LIMK1: variants seen among roughly 807,000 people sequenced by gnomAD.
LIMK1 encodes the protein LIM motif-containing protein kinase.
A neutral mutation model predicts 77.6 loss-of-function variants in LIMK1; 21 were observed. That is an observed-to-expected ratio of 0.27 (90% CI 0.19 to 0.39). The LOEUF (loss-of-function observed/expected upper bound fraction) is 0.39, where lower values mean the gene tolerates loss of function less well. Ranked by LOEUF, LIMK1 falls within the 10% of genes least tolerant of loss-of-function variation. LIMK1 has a pLI of 1.00. For synonymous variants in LIMK1, 358 were observed against 370.0 expected (o/e 0.97, Z 0.37); for missense variants, 696 against 901.6 (o/e 0.77, Z 2.92).
chr7:74,101,127 A>G (rs1799451754), intron 5 of LIMK1, among the ~76,000 whole-genome samples: 1 of 152,230 alleles, frequency 6.6e-6, no homozygotes, highest in African/African-American at 2.4e-5. Flanking sequence ...TGAGATGTGA[A>G]GGTGGCCCTG....
chr7:74,084,492 G>A (rs528925900), intron 1 of LIMK1, among the ~76,000 whole-genome samples: 4 of 152,272 alleles, frequency 2.6e-5, no homozygotes, highest in African/African-American at 7.2e-5. Flanking sequence ...TGACTTCCTG[G>A]TCCTCAGTTT....
At chr7:74,113,654 G>A (rs1225263485) in intron 12 of LIMK1, among the ~76,000 whole-genome samples, 1 of 151,424 alleles carries the variant, frequency 6.6e-6, no homozygotes, top group Non-Finnish European at 1.5e-5. Context: ...ATGGCAAGAG[G>A]GGCTGACAAG....
At chr7:74,118,249 C>A (rs186687975) in intron 13 of LIMK1, among the ~76,000 whole-genome samples, 1 of 150,738 alleles carries the variant, frequency 6.6e-6, no homozygotes, top group East Asian at 2.0e-4. Context: ...TGGTTGCACG[C>A]GTCTGTAGTC....
intron 4 of LIMK1, 76 bp downstream of exon 4, chr7:74,097,265 C>T: frequency 1.1e-6 from 1 of 880,146 alleles, no homozygotes; most frequent in Non-Finnish European, 1.7e-6. Flanking sequence ...GACTCTCCCA[C>T]ACCCGGGCCT....
In LIMK1 at chr7:74,106,155, G is replaced by A. The variant is rs369236766; in HGVS notation, c.793G>A (p.Gly265Arg). 4.3e-6 allele frequency: 7 copies of A among 1,613,910 alleles called. No individual in the cohort carries two copies. The highest frequency in any genetic ancestry group is 2.2e-5 in the East Asian group (1 of 44,882). ...TGACCCTCACGATACACTGGGCCAC[G>A]GGCTGGGGCCTGAGACCAGCCCCCT... ...EHDPHDTLGH[G>R]LGPETSPLSS... is the part of the protein sequence containing the mutation. Residue 265 changes from glycine to arginine, a missense_variant, in exon 7 of 16, where the codon GGG (glycine) becomes AGG (arginine). This residue lies in a region of LIMK1 where 438 missense variants were observed against 602.3 expected (regional missense o/e 0.73). Transcript: ENST00000336180.
rs1228947066 is a variant in LIMK1 at position 74,115,882 on chromosome 7, C to T, written c.1491C>T (p.Ser497=). 3 of 1,614,040 alleles carry T rather than the reference C, an allele frequency of 1.9e-6. No individual in the cohort carries two copies. The highest frequency in any genetic ancestry group is 3.3e-5 in the Admixed American group (2 of 59,986). ...AGACTCAGCCTGAGGGCCTGCGGAG[C>T]CTCAAGAAGCCAGACCGCAAGAAGC... is the stretch of plus-strand genomic sequence containing the variant. ...DEKTQPEGLR[S]LKKPDRKKRY... The change falls in exon 13 of 16, where the codon AGC becomes AGT. Residue 497 remains serine (S), a synonymous_variant. Transcript: ENST00000336180.
chr7:74,089,545 G>A (rs1799199213), intron 2 of LIMK1, among the ~76,000 whole-genome samples: 1 of 152,110 alleles, frequency 6.6e-6, no homozygotes, highest in African/African-American at 2.4e-5. Context: ...AGGGGCTTCG[G>A]GGAGGGCATG....
chr7:74,088,426 G>A (rs1186766634), intron 2 of LIMK1, among the ~76,000 whole-genome samples: 1 of 152,174 alleles, frequency 6.6e-6, no homozygotes, highest in Non-Finnish European at 1.5e-5. Context: ...TCCCTTGGAA[G>A]GAACAGAATA....
At chr7:74,102,834 A>G (rs1353684816) in intron 5 of LIMK1, among the ~76,000 whole-genome samples, 2 of 151,208 alleles carry the variant, frequency 1.3e-5, no homozygotes, top group African/African-American at 4.8e-5. Context: ...TCCATGATCA[A>G]CATTGCATTT....
chr7:74,114,105 C>T (rs2115740601), intron 12 of LIMK1, among the ~76,000 whole-genome samples: 1 of 152,082 alleles, frequency 6.6e-6, no homozygotes. Context: ...CAAAAATTAG[C>T]TGGGCGTGGT....
intron 3 of LIMK1, 127 bp downstream of exon 3, chr7:74,096,887 G>A: frequency 7.9e-7 from 1 of 1,259,162 alleles, no homozygotes; most frequent in Non-Finnish European, 1.1e-6. Context: ...GCTGCTTTCT[G>A]AGCCTGACTG....
intron 13 of LIMK1, among the ~76,000 whole-genome samples, chr7:74,116,672 C>T (rs541939553): frequency 1.6e-4 from 24 of 151,698 alleles, no homozygotes; most frequent in Non-Finnish European, 2.4e-4. Flanking sequence ...CATCCATCCC[C>T]GCATCTCTTT....
chr7:74,109,410 C>T (rs1176991863), intron 10 of LIMK1: 2 of 272,670 alleles, frequency 7.3e-6, no homozygotes, highest in South Asian at 7.9e-5. Flanking sequence ...AATAAAATTA[C>T]AAATCCATCT....
rs186161674 is a variant in LIMK1 at position 74,121,453 on chromosome 7, G to A, written c.*152G>A. On this transcript the variant is annotated 3_prime_UTR_variant, in exon 16 of 16. Coordinates refer to ENST00000336180, the MANE Select transcript of LIMK1 (RefSeq NM_002314.4). Reference sequence around the variant, plus strand: ...CTTGCCTTCTCCCACCCCGTGGACCGCTTCCCCTGCCTTCTCTCTGCCGTG... The same window carrying A: ...CTTGCCTTCTCCCACCCCGTGGACCACTTCCCCTGCCTTCTCTCTGCCGTG... 4.0e-4 allele frequency: 299 copies of A among 745,684 alleles called. 1 individual carries two copies. The highest frequency in any genetic ancestry group is 3.2e-3 in the African/African-American group (182 of 56,590). 46.2% of individuals were successfully genotyped at this position (745,684 alleles called of 1,614,324 possible).
intron 12 of LIMK1, among the ~76,000 whole-genome samples, chr7:74,114,361 C>CA (rs1291645441): frequency 1.3e-5 from 2 of 150,618 alleles, no homozygotes; most frequent in Non-Finnish European, 3.0e-5. Flanking sequence ...GGCAACATGG[C>CA]AAAAAAATAA....
At chr7:74,086,101 A>G (rs1053691651) in intron 2 of LIMK1, among the ~76,000 whole-genome samples, 3 of 152,158 alleles carry the variant, frequency 2.0e-5, no homozygotes, top group African/African-American at 7.2e-5. Flanking sequence ...GCTGGAGTAC[A>G]GTGGTGCGAT....
intron 2 of LIMK1, among the ~76,000 whole-genome samples, chr7:74,095,097 A>G (rs1368598280): frequency 2.6e-5 from 4 of 152,196 alleles, no homozygotes; most frequent in Non-Finnish European, 5.9e-5. Context: ...ATTAGCAGAC[A>G]GCCCATGAGT....
intron 2 of LIMK1, chr7:74,093,178 AT>A (rs1183186933): frequency 1.3e-6 from 2 of 1,524,010 alleles, no homozygotes; most frequent in African/African-American, 2.7e-5. Flanking sequence ...CTGAGGGAGG[AT>A]GGGGAAGCAG....
intron 11 of LIMK1, 101 bp from the exon 12 acceptor site, chr7:74,111,832 T>A: frequency 1.4e-6 from 2 of 1,425,572 alleles, no homozygotes; most frequent in Non-Finnish European, 2.0e-6. Context: ...TCGTCCCGAC[T>A]GGCCTGATTG....
Sources: gnomAD v4.1 joint callset for allele counts (sites outside exome capture counted in the v4.1 genomes callset) on GRCh38, gnomAD v4.1.1 for gene constraint, gnomAD v4.1.1 regional missense constraint, MANE v1.5 for transcripts, NCBI Gene and HGNC (gene_info 2026-07-23, HGNC 2026-07-21) for gene names.